CHD3: variants seen among roughly 807,000 people sequenced by gnomAD.
CHD3 encodes the protein chromodomain helicase DNA binding protein 3.
In CHD3, 52 loss-of-function variants were observed where a neutral mutation model predicts 248.9. The observed-to-expected ratio is 0.21, with a 90% confidence interval of 0.17 to 0.26. The LOEUF (loss-of-function observed/expected upper bound fraction) is 0.26, where lower values mean the gene tolerates loss of function less well. Ranked by LOEUF, CHD3 falls within the 10% of genes least tolerant of loss-of-function variation. The pLI is 1.00. For missense variants in CHD3, 1,482 were observed against 2,605.8 expected (o/e 0.57, Z 9.39); for synonymous variants, 985 against 985.2 (o/e 1.00, Z 0.00).
chr17:7,889,121 A>T lies in CHD3; in HGVS notation c.100+21A>T. On this transcript the variant is annotated intron_variant, in intron 1 of 39. Coordinates refer to ENST00000330494, the MANE Select transcript of CHD3 (RefSeq NM_001005273.3). The surrounding 1 kb of genome is among the most constrained non-coding windows in gnomAD (Gnocchi z 4.5). ...GCCTGGTAATTATCCGAGGAAATGT[A>T]AATAGAGGCCTCCCTCTTGGCAAAA... The T allele has an allele frequency of 6.2e-7, 1 of 1,614,046 alleles. No individual in the cohort carries two copies. Among genetic ancestry groups the T allele is most frequent in the African/African-American group, 1.3e-5 (1 of 75,042 alleles).
At position 7,906,820 on chromosome 17, in the gene CHD3, C is replaced by G. The variant is rs186368632; in HGVS notation, c.4504-49C>G. ...GACGGAGGAGACTGGAGCTTCCTGT[C>G]TGTAAGCGCCTGGAGCTGACACCTA... On this transcript the variant is annotated intron_variant, in intron 29 of 39. Transcript: ENST00000330494. The surrounding 1 kb of genome is among the most constrained non-coding windows in gnomAD (Gnocchi z 5.0). 1 of 1,608,778 alleles carries G rather than the reference C, an allele frequency of 6.2e-7. No individual in the cohort carries two copies. The highest frequency in any genetic ancestry group is 8.5e-7 in the Non-Finnish European group (1 of 1,176,782).
chr17:7,898,903 G>T (rs946683483), intron 13 of CHD3, 108 bp from the exon 14 acceptor site: 27 of 1,003,332 alleles, frequency 2.7e-5, no homozygotes, highest in Non-Finnish European at 3.9e-5. Context: ...TCAGGCCATA[G>T]TAGAGGGAAT....
chr17:7,897,333 G>A lies in CHD3; in HGVS notation c.1919+39G>A, dbSNP rs1246211304. The A allele has an allele frequency of 2.6e-6, 4 of 1,531,172 alleles. No homozygotes were observed. The highest frequency in any genetic ancestry group is 3.6e-6 in the Non-Finnish European group (4 of 1,109,910). 94.8% of individuals were successfully genotyped at this position (1,531,172 alleles called of 1,614,324 possible). A position where few individuals can be genotyped will look rare whatever the true frequency, so the allele number is the denominator to read the frequency against. On this transcript the variant is annotated intron_variant, in intron 11 of 39. Transcript: ENST00000330494. The surrounding 1 kb of genome is among the most constrained non-coding windows in gnomAD (Gnocchi z 4.8). ...CCCTGGGAAGTCAGACCTGGTATAT[G>A]ACATTATTCTTACCATGGTGATGGC...
upstream of CHD3, chr17:7,885,307 C>CCCGCCGCCGCACCCCTCCCCCGCCGCCG (rs1967670330): frequency 2.5e-5 from 4 of 157,218 alleles, no homozygotes; most frequent in African/African-American, 1.1e-4. Context: ...GCACCCCTCC[C>CCCGCCGCCGCACCCCTCCCCCGCCGCCG]CCGCCGCCGC....
In CHD3 at chr17:7,894,952, A is replaced by G. The variant is rs1490703183; in HGVS notation, c.1305A>G (p.Glu435=). Residue 435 remains glutamate (E), a synonymous_variant, in exon 9 of 40, where the codon GAA becomes GAG. Coordinates refer to ENST00000330494, the MANE Select transcript of CHD3 (RefSeq NM_001005273.3). ...KEGVQWEAKE[E]EEEYEEEGEE... is the part of the protein sequence containing the mutation. ...GGGTCCAGTGGGAGGCCAAGGAGGA[A>G]GAAGAAGAATACGAAGAGGAGGGAG... The G allele has an allele frequency of 6.8e-6, 11 of 1,612,178 alleles. No homozygotes were observed. The highest frequency in any genetic ancestry group is 1.1e-5 in the South Asian group (1 of 91,056).
In CHD3 at chr17:7,893,513, C is replaced by T. The variant is rs1969190612; in HGVS notation, c.737C>T (p.Pro246Leu). 6.3e-7 allele frequency: 1 copy of T among 1,586,520 alleles called. No homozygotes were observed. The highest frequency in any genetic ancestry group is 1.4e-5 in the African/African-American group (1 of 74,068). The change falls in exon 5 of 40, where the codon CCT becomes CTT. Residue 246 changes from proline to leucine, a missense_variant. Coordinates refer to ENST00000330494, the MANE Select transcript of CHD3 (RefSeq NM_001005273.3). Reference sequence around the variant, plus strand: ...GGACCCCCCGCCCTTCCACCACCCCCTGCTGCTGATATCCAGCCCCCACCC... The same window carrying T: ...GGACCCCCCGCCCTTCCACCACCCCTTGCTGCTGATATCCAGCCCCCACCC... ...PSGPPALPPP[P>L]AADIQPPPIR...
At chr17:7,891,294 C>T (rs570890656) in intron 4 of CHD3, among the ~76,000 whole-genome samples, 1 of 152,274 alleles carries the variant, frequency 6.6e-6, no homozygotes, top group African/African-American at 2.4e-5. Flanking sequence ...ATCATGATTC[C>T]AGTGCTGGGT....
upstream of CHD3, among the ~76,000 whole-genome samples, chr17:7,886,583 T>C (rs781637344): frequency 6.6e-6 from 1 of 152,000 alleles, no homozygotes; most frequent in Non-Finnish European, 1.5e-5. This position sits in a 1 kb window ranked among gnomAD's most constrained non-coding sequence, Gnocchi z 4.2. Flanking sequence ...TCCTGGAAAC[T>C]GGATAAAGTC....
chr17:7,892,654 A>G (rs11078713), intron 4 of CHD3, among the ~76,000 whole-genome samples: 87,602 of 151,676 alleles, frequency 0.58, 27,513 homozygotes, highest in East Asian at 0.97. Context: ...GCACCACTAC[A>G]CCCAGCTAAT....
Position 7,910,160 on chromosome 17 carries a change from T to G in CHD3, c.5591-268T>G. 11 of 308,768 alleles carry G rather than the reference T, an allele frequency of 3.6e-5. No individual in the cohort carries two copies. Among genetic ancestry groups the G allele is most frequent in the East Asian group, 1.0e-4 (1 of 9,912 alleles). The allele number at this position is 308,768 out of a possible 1,614,324, so 19.1% of individuals were successfully genotyped here. ...CATCTTCCTTTCCTCCATGCTCCCTTTTTCTTTCTTCTTTCTCTCCATCTG... is the reference window on the plus strand; with the variant it reads ...CATCTTCCTTTCCTCCATGCTCCCTGTTTCTTTCTTCTTTCTCTCCATCTG... On this transcript the variant is annotated intron_variant, in intron 37 of 39. Transcript: ENST00000330494. The surrounding 1 kb of genome is among the most constrained non-coding windows in gnomAD (Gnocchi z 4.7).
upstream of CHD3, among the ~76,000 whole-genome samples, chr17:7,887,721 G>A (rs1300156649): frequency 6.6e-6 from 1 of 152,154 alleles, no homozygotes; most frequent in Non-Finnish European, 1.5e-5. Context: ...TTGCTCGGGC[G>A]GCCAGGCTCC....
At position 7,907,338 on chromosome 17, in the gene CHD3, A is replaced by G. The variant is rs1971099710; in HGVS notation, c.4789-15A>G. The G allele has an allele frequency of 3.1e-6, 5 of 1,608,738 alleles. No individual in the cohort carries two copies. The highest frequency in any genetic ancestry group is 2.5e-6 in the Non-Finnish European group (3 of 1,177,146). On this transcript the variant is annotated splice_polypyrimidine_tract_variant and intron_variant, in intron 31 of 39. Transcript: ENST00000330494. The surrounding 1 kb of genome is among the most constrained non-coding windows in gnomAD (Gnocchi z 4.3). Reference sequence around the variant, plus strand: ...GAGCCCTCTGGCTCATCCTGACCCCATTGTCCTCTTCCAGGCTGATGCCCC... The same window carrying G: ...GAGCCCTCTGGCTCATCCTGACCCCGTTGTCCTCTTCCAGGCTGATGCCCC...
rs140550382 is a variant in CHD3, at chr17:7,899,934, G to A, written c.2583G>A (p.Ser861=). The part of the protein sequence containing the change: ...AQVKFHVLLT[S]YELITIDQAA... Reference sequence around the variant, plus strand: ...TGAAGTTCCATGTTCTCCTGACATCGTATGAGCTGATCACCATTGATCAGG... The same window carrying A: ...TGAAGTTCCATGTTCTCCTGACATCATATGAGCTGATCACCATTGATCAGG... The change falls in exon 16 of 40, where the codon TCG becomes TCA. Residue 861 remains serine (S), a synonymous_variant. Transcript: ENST00000330494. This position sits in a 1 kb window ranked among gnomAD's most constrained non-coding sequence, Gnocchi z 6.8. 38 of 1,613,780 alleles carry A rather than the reference G, an allele frequency of 2.4e-5. No individual in the cohort carries two copies. Among genetic ancestry groups the A allele is most frequent in the African/African-American group, 1.7e-4 (13 of 74,898 alleles).
Position 7,897,164 on chromosome 17 carries a change from T to A in CHD3, c.1789T>A (p.Ser597Thr). Residue 597 changes from serine (S) to threonine (T), a missense_variant, in exon 11 of 40, where the codon TCC becomes ACC. By Grantham distance (58) the Ser-to-Thr change is moderately conservative. Transcript: ENST00000330494. The surrounding 1 kb of genome is among the most constrained non-coding windows in gnomAD (Gnocchi z 4.8). ...MDEPPPLDYG[S>T]GEDDGKSDKR... ...TGAGCCCCCACCCCTGGACTATGGC[T>A]CCGGCGAGGATGATGGGAAGAGCGA... 6.2e-7 allele frequency: 1 copy of A among 1,614,144 alleles called. No individual in the cohort carries two copies. Among genetic ancestry groups the A allele is most frequent in the Non-Finnish European group, 8.5e-7 (1 of 1,180,016 alleles).
At chr17:7,894,059 C>T (rs1160561154) in intron 6 of CHD3, 56 bp from the exon 7 acceptor site, 4 of 1,453,576 alleles carry the variant, frequency 2.8e-6, no homozygotes, top group Non-Finnish European at 2.8e-6. Context: ...AGCCAAAGGC[C>T]TGGGGAGGGC....
In CHD3 at chr17:7,908,226, TA is replaced by T. The variant is rs1038881166; in HGVS notation, c.5153-174del. On this transcript the variant is annotated intron_variant, in intron 34 of 39. Coordinates refer to ENST00000330494, the MANE Select transcript of CHD3 (RefSeq NM_001005273.3). This position sits in a 1 kb window ranked among gnomAD's most constrained non-coding sequence, Gnocchi z 5.8. ...CTGGCCCTAATCCCACCTTTATTCT[TA>T]ATTCTAACGAACCTGGTTAGAACTG... Among the ~76,000 whole-genome samples, 2 of 152,218 alleles carry T rather than the reference TA, an allele frequency of 1.3e-5. No homozygotes were observed. The highest frequency in any genetic ancestry group is 4.8e-5 in the African/African-American group (2 of 41,444).
At position 7,911,124 on chromosome 17, in the gene CHD3, C is replaced by T. The variant is rs1971602375; in HGVS notation, c.5881+151C>T. ...GATAGAGTTGTTCTAGGCTGTCCCCCCACCCATCCCTTTCTTAACCCCTCT... is the reference window on the plus strand; with the variant it reads ...GATAGAGTTGTTCTAGGCTGTCCCCTCACCCATCCCTTTCTTAACCCCTCT... On this transcript the variant is annotated intron_variant, in intron 39 of 39. Transcript: ENST00000330494. This position sits in a 1 kb window ranked among gnomAD's most constrained non-coding sequence, Gnocchi z 5.4. 1 of 1,127,284 alleles carries T rather than the reference C, an allele frequency of 8.9e-7. No homozygotes were observed. Among genetic ancestry groups the T allele is most frequent in the Admixed American group, 2.4e-5 (1 of 41,624 alleles). 69.8% of individuals were successfully genotyped at this position (1,127,284 alleles called of 1,614,324 possible). A position where few individuals can be genotyped will look rare whatever the true frequency, so the allele number is the denominator to read the frequency against.
chr17:7,900,997 G>C lies in CHD3; in HGVS notation c.3120+4G>C, dbSNP rs372684707. The stretch of plus-strand genomic sequence containing the variant: ...CCTTTTTCCCGTGGCTGCTATGGTA[G>C]ATACACAGAGCAGGGAGCTGATCGA... On this transcript the variant is annotated splice_donor_region_variant and intron_variant, in intron 19 of 39. Transcript: ENST00000330494. This position sits in a 1 kb window ranked among gnomAD's most constrained non-coding sequence, Gnocchi z 6.5. The C allele has an allele frequency of 6.2e-7, 1 of 1,613,428 alleles. No individual in the cohort carries two copies. Among genetic ancestry groups the C allele is most frequent in the Non-Finnish European group, 8.5e-7 (1 of 1,179,722 alleles).
intron 7 of CHD3, 48 bp downstream of exon 7, chr17:7,894,313 ATTCT>A: frequency 6.3e-7 from 1 of 1,596,594 alleles, no homozygotes; most frequent in Non-Finnish European, 8.6e-7. Flanking sequence ...CCGTCCTCTC[ATTCT>A]TATTTTCAAT....
Sources: gnomAD v4.1 joint callset for allele counts (sites outside exome capture counted in the v4.1 genomes callset) on GRCh38, gnomAD v4.1.1 for gene constraint, Gnocchi (gnomAD v3.1) non-coding constraint, MANE v1.5 for transcripts, NCBI Gene and HGNC (gene_info 2026-07-23, HGNC 2026-07-21) for gene names.